NDUFAF2: variants seen among roughly 807,000 people sequenced by gnomAD.
NDUFAF2 encodes the protein NADH dehydrogenase [ubiquinone] 1 alpha subcomplex assembly factor 2.
A neutral mutation model predicts 22.8 loss-of-function variants in NDUFAF2; 13 were observed. The ratio of observed to expected loss-of-function variants is 0.57; its 90% CI spans 0.37 to 0.91. The LOEUF (loss-of-function observed/expected upper bound fraction) is 0.91, where lower values mean the gene tolerates loss of function less well. Ranked by LOEUF, NDUFAF2 falls within the 40% of genes least tolerant of loss-of-function variation. The pLI is 0.01. For missense variants in NDUFAF2, 162 were observed against 195.2 expected, an observed-to-expected ratio of 0.83 and a Z score of 1.01; for synonymous variants, 53 against 64.2, an observed-to-expected ratio of 0.83 and a Z score of 0.84.
chr5:61,002,089 A>G (rs1036849153), intron 1 of NDUFAF2, among the ~76,000 whole-genome samples: 1 of 152,080 alleles, frequency 6.6e-6, no homozygotes, highest in African/African-American at 2.4e-5. Context: ...AAAAGGACCA[A>G]CCAGGACAGC....
intron 1 of NDUFAF2, among the ~76,000 whole-genome samples, chr5:61,059,693 A>C (rs773483914): frequency 6.6e-6 from 1 of 152,128 alleles, no homozygotes. Flanking sequence ...TGTAAATATG[A>C]GGAAGCTAAT....
chr5:61,146,179 G>A (rs1741135294), intron 3 of NDUFAF2: 1 of 152,198 alleles, frequency 6.6e-6, no homozygotes, highest in African/African-American at 2.4e-5. Context: ...CAAAGCTTGA[G>A]AAGTTTGCTT....
intron 1 of NDUFAF2, among the ~76,000 whole-genome samples, chr5:61,039,018 T>C (rs1320610915): frequency 6.6e-6 from 1 of 152,056 alleles, no homozygotes; most frequent in Non-Finnish European, 1.5e-5. Flanking sequence ...AAATGGTAAG[T>C]CCCTATTTTA....
intron 3 of NDUFAF2, among the ~76,000 whole-genome samples, chr5:61,118,163 C>T (rs1046438871): frequency 6.6e-6 from 1 of 152,092 alleles, no homozygotes; most frequent in Non-Finnish European, 1.5e-5. Context: ...AAAAGCTTAC[C>T]CCTTTTCCGT....
intron 1 of NDUFAF2, among the ~76,000 whole-genome samples, chr5:61,040,652 C>T (rs248679): frequency 0.14 from 21,230 of 152,028 alleles, 1,838 homozygotes; most frequent in South Asian, 0.27. Context: ...TACCTGATTT[C>T]AGAACCCCAC....
chr5:60,965,420 T>C (rs879779150), intron 1 of NDUFAF2, among the ~76,000 whole-genome samples: 1 of 152,168 alleles, frequency 6.6e-6, no homozygotes, highest in Non-Finnish European at 1.5e-5. Context: ...AAGTATATAA[T>C]ACATTACTAT....
At chr5:61,117,250 T>C (rs902340771) in intron 3 of NDUFAF2, among the ~76,000 whole-genome samples, 1 of 152,224 alleles carries the variant, frequency 6.6e-6, no homozygotes, top group African/African-American at 2.4e-5. Context: ...GCCTATACTA[T>C]GACCATAAAC....
At chr5:61,151,934 T>G (rs1293418958) in intron 3 of NDUFAF2, among the ~76,000 whole-genome samples, 1 of 152,194 alleles carries the variant, frequency 6.6e-6, no homozygotes. Context: ...TCTGAAACTA[T>G]GTGTGGAATT....
Position 61,139,943 on chromosome 5 carries a change from C to T in NDUFAF2, c.259-12761C>T, listed in dbSNP as rs1162813313. On this transcript the variant is annotated intron_variant, in intron 3 of 3. Transcript: ENST00000296597. ...CTTTCCCACTTTCGGATAGGGGGACCACCCCTACATCCCCTCTCCACTGAA... is the reference window on the plus strand; with the variant it reads ...CTTTCCCACTTTCGGATAGGGGGACTACCCCTACATCCCCTCTCCACTGAA... 2.6e-5 allele frequency among the ~76,000 whole-genome samples: 4 copies of T among 152,338 alleles called. No individual in the cohort carries two copies. The East Asian group carries it at 7.7e-4, about 29-fold the overall frequency.
At chr5:60,945,601 C>G (rs1457057831) in intron 1 of NDUFAF2, among the ~76,000 whole-genome samples, 2 of 152,236 alleles carry the variant, frequency 1.3e-5, no homozygotes, top group East Asian at 3.9e-4. Context: ...CTCGTGCGTC[C>G]GCGGTCCCTA....
At chr5:61,112,423 G>T (rs1178773634) in intron 3 of NDUFAF2, among the ~76,000 whole-genome samples, 1 of 151,082 alleles carries the variant, frequency 6.6e-6, no homozygotes, top group Non-Finnish European at 1.5e-5. Flanking sequence ...CATGTTGGCC[G>T]GGATGGTCTC....
intron 1 of NDUFAF2, among the ~76,000 whole-genome samples, chr5:61,023,387 A>G (rs1751610137): frequency 6.6e-6 from 1 of 151,924 alleles, no homozygotes; most frequent in Non-Finnish European, 1.5e-5. Flanking sequence ...AGATTATTTT[A>G]TTTGTAGTAT....
At chr5:61,016,310 G>A (rs888243696) in intron 1 of NDUFAF2, among the ~76,000 whole-genome samples, 5 of 152,212 alleles carry the variant, frequency 3.3e-5, no homozygotes, top group Non-Finnish European at 2.9e-5. Context: ...GGCAGAGGAA[G>A]GGAGTGGTAT....
chr5:61,029,393 A>G (rs1751695875), intron 1 of NDUFAF2, among the ~76,000 whole-genome samples: 1 of 152,180 alleles, frequency 6.6e-6, no homozygotes, highest in Non-Finnish European at 1.5e-5. Context: ...GCAAGAGTTC[A>G]CTGCATTTTA....
rs539940155 is a variant in NDUFAF2, at chr5:61,038,025, T to C, written c.128-35100T>C. Among the ~76,000 whole-genome samples, 52 of 116,302 alleles carry C rather than the reference T, an allele frequency of 4.5e-4. No individual in the cohort carries two copies. The East Asian group carries it at 0.012, about 28-fold the overall frequency. 76.3% of individuals were successfully genotyped at this position (116,302 alleles called of 152,430 possible). A position where few individuals can be genotyped will look rare whatever the true frequency, so the allele number is the denominator to read the frequency against. Reference sequence around the variant, plus strand: ...GCATGACTTGGTGGTTGATTGAATATGGGTGATGGGAGGGACTGAATATGG... The same window carrying C: ...GCATGACTTGGTGGTTGATTGAATACGGGTGATGGGAGGGACTGAATATGG... On this transcript the variant is annotated intron_variant, in intron 1 of 3. Coordinates refer to ENST00000296597, the MANE Select transcript of NDUFAF2 (RefSeq NM_174889.5).
intron 1 of NDUFAF2, among the ~76,000 whole-genome samples, chr5:61,066,753 A>G (rs916725303): frequency 6.6e-6 from 1 of 152,242 alleles, no homozygotes; most frequent in African/African-American, 2.4e-5. Context: ...TGGTATGTAA[A>G]TAGTTGTTAT....
intron 1 of NDUFAF2, among the ~76,000 whole-genome samples, chr5:61,026,716 G>A (rs987443341): frequency 1.3e-5 from 2 of 151,972 alleles, no homozygotes; most frequent in African/African-American, 4.8e-5. Context: ...TTTTTGAATG[G>A]ATATCCAAAT....
intron 1 of NDUFAF2, among the ~76,000 whole-genome samples, chr5:61,023,449 A>T (rs1030358530): frequency 3.3e-5 from 5 of 151,968 alleles, no homozygotes; most frequent in Admixed American, 2.0e-4. Context: ...TCTCCTCGTG[A>T]TGGTTTCTTC....
intron 3 of NDUFAF2, among the ~76,000 whole-genome samples, chr5:61,110,702 TTCTG>T (rs1316256332): frequency 2.0e-5 from 3 of 152,088 alleles, no homozygotes; most frequent in African/African-American, 4.8e-5. Context: ...TATTTTGGTC[TTCTG>T]TCTTTTTTCT....
Sources: allele counts gnomAD v4.1 joint callset (sites outside exome capture counted in the v4.1 genomes callset), GRCh38; gene constraint gnomAD v4.1.1; transcripts MANE v1.5; gene names NCBI Gene and HGNC (gene_info 2026-07-23, HGNC 2026-07-21).